Variants in TRAPPC13 observed in about 807,000 individuals in gnomAD.
TRAPPC13 encodes trafficking protein particle complex subunit 13.
Under a neutral mutation model 54.0 loss-of-function variants are expected in TRAPPC13, and 39 were observed. The observed-to-expected ratio is 0.72, with a 90% CI of 0.56 to 0.94. The LOEUF (loss-of-function observed/expected upper bound fraction) is 0.94. TRAPPC13 is among the 40% of genes least tolerant of loss of function. TRAPPC13 has a pLI of 0.00. For missense variants in TRAPPC13, 386 were observed against 488.1 expected, an observed-to-expected ratio of 0.79 and a Z score of 1.97; for synonymous variants, 148 against 167.7, an observed-to-expected ratio of 0.88 and a Z score of 0.91.
chr5:65,656,086 G>C (rs192418554), intron 8 of TRAPPC13, among the ~76,000 whole-genome samples: 1 of 152,090 alleles, frequency 6.6e-6, no homozygotes, highest in Non-Finnish European at 1.5e-5. Context: ...GATGATGGCC[G>C]CTTGACAAAA....
intron 7 of TRAPPC13, 152 bp downstream of exon 7, chr5:65,652,697 A>G (rs1484678614): frequency 2.9e-6 from 2 of 700,850 alleles, no homozygotes; most frequent in Non-Finnish European, 5.2e-6. Context: ...AAATTGAATA[A>G]TTTTATTATA....
chr5:65,641,722 A>G (rs548107703), intron 4 of TRAPPC13, among the ~76,000 whole-genome samples: 1 of 151,530 alleles, frequency 6.6e-6, no homozygotes, highest in Non-Finnish European at 1.5e-5. Context: ...GAAAAAAAAA[A>G]AAACAAAAAA....
intron 1 of TRAPPC13, among the ~76,000 whole-genome samples, chr5:65,632,217 T>A (rs907620771): frequency 6.6e-6 from 1 of 152,198 alleles, no homozygotes; most frequent in African/African-American, 2.4e-5. Flanking sequence ...TCAGCCATGA[T>A]CGTGCCACTG....
intron 10 of TRAPPC13, chr5:65,661,156 A>T: frequency 6.7e-6 from 2 of 297,614 alleles, no homozygotes; most frequent in Non-Finnish European, 1.2e-5. Context: ...ACTGTTATTA[A>T]GTGTCTCTCC....
intron 11 of TRAPPC13, chr5:65,663,520 TTAAA>T (rs1241583932): frequency 3.3e-5 from 5 of 152,122 alleles, no homozygotes; most frequent in African/African-American, 7.2e-5. Flanking sequence ...AAAATAAAAT[TTAAA>T]TAAGCAATTT....
intron 1 of TRAPPC13, chr5:65,635,051 C>T (rs37344): frequency 0.62 from 353,781 of 567,392 alleles, 112,721 homozygotes; most frequent in Non-Finnish European, 0.64. Flanking sequence ...ATAATGAATG[C>T]ATATTGTATT....
chr5:65,639,633 C>G (rs902584455), intron 4 of TRAPPC13, among the ~76,000 whole-genome samples: 2 of 152,176 alleles, frequency 1.3e-5, no homozygotes, highest in Non-Finnish European at 2.9e-5. Context: ...CCAGCATGGG[C>G]TACAGAACAA....
At chr5:65,640,381 C>T (rs1484810667) in intron 4 of TRAPPC13, among the ~76,000 whole-genome samples, 1 of 152,034 alleles carries the variant, frequency 6.6e-6, no homozygotes, top group Non-Finnish European at 1.5e-5. Context: ...TACAAACAAA[C>T]AAAAAAGAAA....
At chr5:65,640,424 C>T (rs149170) in intron 4 of TRAPPC13, among the ~76,000 whole-genome samples, 90,533 of 151,922 alleles carry the variant, frequency 0.6, 27,337 homozygotes, top group South Asian at 0.64. Flanking sequence ...TAAAGCTTTA[C>T]TGACACACAG....
In TRAPPC13 at chr5:65,660,720, A is replaced by G. The variant is rs770307247; in HGVS notation, c.720A>G (p.Arg240=). Residue 240 remains arginine, a synonymous_variant, in exon 10 of 13, where the codon AGA becomes AGG. Transcript: ENST00000399438. ...AGECVSTFGS[R]AYLQPMDTRQ... Reference sequence around the variant, plus strand: ...TCAGTGTGTCTACGTTTGGGTCAAGAGCATATTTGCAACCAATGGATACAC... The same window carrying G: ...TCAGTGTGTCTACGTTTGGGTCAAGGGCATATTTGCAACCAATGGATACAC... The G allele has an allele frequency of 1.2e-6, 2 of 1,610,364 alleles. No homozygotes were observed. The highest frequency in any genetic ancestry group is 1.1e-5 in the South Asian group (1 of 90,446).
At chr5:65,629,788 T>C in intron 1 of TRAPPC13, 2 of 1,536,104 alleles carry the variant, frequency 1.3e-6, no homozygotes, top group Middle Eastern at 1.7e-4. Context: ...CAGCTGAAGA[T>C]GTGAAACAGT....
rs1372888052 is a variant in TRAPPC13, at chr5:65,658,382, T to C, written c.579T>C (p.Phe193=). Residue 193 remains phenylalanine, a synonymous_variant, in exon 9 of 13, where the codon TTT becomes TTC. Coordinates refer to ENST00000399438, the MANE Select transcript of TRAPPC13 (RefSeq NM_024941.4). Reference sequence around the variant, plus strand: ...CATATCCTCAGACTGATGAAGTATTTCTGGAAGCCCAGATTCAGAATATGA... The same window carrying C: ...CATATCCTCAGACTGATGAAGTATTCCTGGAAGCCCAGATTCAGAATATGA... The part of the protein sequence containing the change: ...SDLSSVTDEV[F]LEAQIQNMTT... 6.3e-7 allele frequency: 1 copy of C among 1,599,434 alleles called. No homozygotes were observed. Among genetic ancestry groups the C allele is most frequent in the African/African-American group, 1.3e-5 (1 of 74,780 alleles).
chr5:65,643,779 TG>T (rs1756072925), intron 4 of TRAPPC13, among the ~76,000 whole-genome samples: 1 of 138,476 alleles, frequency 7.2e-6, no homozygotes, highest in Admixed American at 8.0e-5. Context: ...ATCGTGCCAC[TG>T]CACTCCAGCC....
chr5:65,640,389 A>C (rs572268660), intron 4 of TRAPPC13, among the ~76,000 whole-genome samples: 1 of 152,318 alleles, frequency 6.6e-6, no homozygotes, highest in East Asian at 1.9e-4. Context: ...AACAAAAAAG[A>C]AATTCAAATG....
chr5:65,629,626 G>A (rs1325811302), intron 1 of TRAPPC13: 6 of 1,535,778 alleles, frequency 3.9e-6, no homozygotes, highest in Non-Finnish European at 5.2e-6. Context: ...GACCATGTGA[G>A]AGTGATCCCA....
rs60169195 is a variant in TRAPPC13 at position 65,627,131 on chromosome 5, C to CAAAAAAAAA, written c.46+2043_46+2051dup. Among the ~76,000 whole-genome samples, 87 of 32,552 alleles carry CAAAAAAAAA rather than the reference C, an allele frequency of 2.7e-3. 4 individuals are homozygous for CAAAAAAAAA. The highest frequency in any genetic ancestry group is 0.011 in the South Asian group (11 of 1,040). 21.4% of individuals were successfully genotyped at this position (32,552 alleles called of 152,430 possible). A position where few individuals can be genotyped will look rare whatever the true frequency, so the allele number is the denominator to read the frequency against. On this transcript the variant is annotated intron_variant, in intron 1 of 12. Transcript: ENST00000399438. ...TGGGTGACAGAGTGAGACCCTGTCT[C>CAAAAAAAAA]AAAAAAAAAAAAAAAAAAAAAAAAA...
intron 6 of TRAPPC13, among the ~76,000 whole-genome samples, 162 bp from the exon 7 acceptor site, chr5:65,652,339 C>CTTT (rs11354403): frequency 0.3 from 34,605 of 115,036 alleles, 4,620 homozygotes; most frequent in African/African-American, 0.33. Flanking sequence ...TTTTTCTTTT[C>CTTT]TTTTTTTTTT....
chr5:65,649,676 A>T (rs1474912381), intron 5 of TRAPPC13, among the ~76,000 whole-genome samples: 1 of 152,120 alleles, frequency 6.6e-6, no homozygotes, highest in Non-Finnish European at 1.5e-5. Context: ...TGTTTTGCTT[A>T]TTAACTTATG....
chr5:65,629,516 A>G (rs1755428974), intron 1 of TRAPPC13: 3 of 1,441,706 alleles, frequency 2.1e-6, no homozygotes, highest in Admixed American at 2.8e-5. Context: ...GCAATAATAA[A>G]TTAACATTCT....
Sources: gnomAD v4.1 joint callset for allele counts (sites outside exome capture counted in the v4.1 genomes callset) on GRCh38, gnomAD v4.1.1 for gene constraint, MANE v1.5 for transcripts, NCBI Gene and HGNC (gene_info 2026-07-23, HGNC 2026-07-21) for gene names.